Variants in FAM81A observed in about 807,000 individuals in gnomAD.
FAM81A encodes the protein family with sequence similarity 81 member A.
FAM81A carries 19 observed loss-of-function variants against 46.7 expected under a neutral mutation model. The observed-to-expected ratio is 0.41, with a 90% CI of 0.28 to 0.60. The LOEUF is 0.60. Among genes scored for constraint, FAM81A ranks in the 20% least tolerant of loss-of-function variants. The probability of loss-of-function intolerance (pLI) is 0.34; values close to 1 mark genes in which losing one functional copy is unlikely to be tolerated. For missense variants in FAM81A, 377 were observed against 453.5 expected, an observed-to-expected ratio of 0.83 and a Z score of 1.53; for synonymous variants, 183 against 152.9, an observed-to-expected ratio of 1.20 and a Z score of -1.45.
At chr15:59,509,964 A>T (rs1567076354) in intron 6 of FAM81A, among the ~76,000 whole-genome samples, 1 of 152,186 alleles carries the variant, frequency 6.6e-6, no homozygotes, top group Non-Finnish European at 1.5e-5. Context: ...CCTATGCCTA[A>T]TGAGAATCTT....
At chr15:59,459,845 G>A in intron 2 of FAM81A, 88 bp from the exon 3 acceptor site, 1 of 1,446,116 alleles carries the variant, frequency 6.9e-7, no homozygotes, top group Non-Finnish European at 9.1e-7. Context: ...TAGATAATTT[G>A]TATTTCCAGA....
intron 8 of FAM81A, among the ~76,000 whole-genome samples, chr15:59,520,882 A>G (rs563276441): frequency 6.6e-6 from 1 of 152,246 alleles, no homozygotes; most frequent in East Asian, 1.9e-4. Context: ...TCATCTTGAT[A>G]TAATTTAGGT....
chr15:59,418,614 T>C (rs1394730145), intron 2 of FAM81A, among the ~76,000 whole-genome samples: 2 of 152,214 alleles, frequency 1.3e-5, no homozygotes, highest in African/African-American at 4.8e-5. Flanking sequence ...CAATTTGTTG[T>C]TCATGTTACC....
chr15:59,461,265 G>A (rs1475396785), intron 3 of FAM81A, among the ~76,000 whole-genome samples: 1 of 152,032 alleles, frequency 6.6e-6, no homozygotes, highest in Non-Finnish European at 1.5e-5. Flanking sequence ...CTTACAATAT[G>A]AGGTCTTTCG....
intron 2 of FAM81A, among the ~76,000 whole-genome samples, chr15:59,422,252 G>T (rs2141553830): frequency 6.6e-6 from 1 of 152,080 alleles, no homozygotes; most frequent in East Asian, 1.9e-4. Context: ...GCCAGGCATG[G>T]TGACACATGC....
At chr15:59,504,228 C>T (rs1362973179) in intron 4 of FAM81A, among the ~76,000 whole-genome samples, 2 of 151,962 alleles carry the variant, frequency 1.3e-5, no homozygotes, top group African/African-American at 4.8e-5. Flanking sequence ...AATAAAAAAT[C>T]AGGGTCTACA....
At chr15:59,518,511 A>T (rs1318542483) in intron 8 of FAM81A, among the ~76,000 whole-genome samples, 1 of 151,846 alleles carries the variant, frequency 6.6e-6, no homozygotes, top group Non-Finnish European at 1.5e-5. Context: ...ATTTTTTTAG[A>T]GATGGGTCCT....
chr15:59,505,489 G>C (rs1169614666), intron 4 of FAM81A, among the ~76,000 whole-genome samples: 1 of 151,318 alleles, frequency 6.6e-6, no homozygotes, highest in East Asian at 1.9e-4. Flanking sequence ...TCCAGCCTGG[G>C]TGACAGAGTT....
chr15:59,421,877 ATC>A (rs2081175070), intron 2 of FAM81A, among the ~76,000 whole-genome samples: 1 of 43,028 alleles, frequency 2.3e-5, no homozygotes, highest in Non-Finnish European at 4.8e-5. Context: ...CCCTCTATCT[ATC>A]TATCTATCTA....
chr15:59,464,534 A>C lies in FAM81A; in HGVS notation c.294+4328A>C, dbSNP rs2081589971. Among the ~76,000 whole-genome samples the C allele has an allele frequency of 5.3e-5, 8 of 152,296 alleles. No individual in the cohort carries two copies. The South Asian group carries it at 1.7e-3, about 32-fold the overall frequency. On this transcript the variant is annotated intron_variant, in intron 3 of 8. Transcript: ENST00000288228. ...TATAACTGGAGTGAGATGATACCTC[A>C]TTGTGATTTTGATTTGCATTTCCCT... is the stretch of plus-strand genomic sequence containing the variant.
At chr15:59,453,689 G>A (rs2141621904) in intron 1 of FAM81A, among the ~76,000 whole-genome samples, 1 of 151,694 alleles carries the variant, frequency 6.6e-6, no homozygotes, top group South Asian at 2.1e-4. Context: ...GGGAAGTTAA[G>A]AGAAAGGGCA....
chr15:59,448,906 C>G (rs2081380893), intron 1 of FAM81A, among the ~76,000 whole-genome samples: 1 of 152,136 alleles, frequency 6.6e-6, no homozygotes. Context: ...CTGAAATGAT[C>G]ATCCTACTTC....
In FAM81A at chr15:59,428,413, A is replaced by ATATTATTAT. The variant is rs143696862; in HGVS notation, c.-78+26090_-78+26098dup. On this transcript the variant is annotated intron_variant, in intron 2 of 4. Coordinates refer to the FAM81A transcript ENST00000558348. ...TTCTTAGTCCTGAGAATTCTTTTTG[A>ATATTATTAT]TATTATTATTATTATTATTATTATT... is the stretch of plus-strand genomic sequence containing the variant. Among the ~76,000 whole-genome samples, 131 of 140,708 alleles carry ATATTATTAT rather than the reference A, an allele frequency of 9.3e-4. 2 individuals are homozygous for ATATTATTAT. Among genetic ancestry groups the ATATTATTAT allele is most frequent in the Middle Eastern group, 3.6e-3 (1 of 278 alleles). 92.3% of individuals were successfully genotyped at this position (140,708 alleles called of 152,430 possible). A position where few individuals can be genotyped will look rare whatever the true frequency, so the allele number is the denominator to read the frequency against.
At chr15:59,505,540 G>A (rs149774892) in intron 4 of FAM81A, among the ~76,000 whole-genome samples, 66 of 151,624 alleles carry the variant, frequency 4.4e-4, no homozygotes, top group African/African-American at 1.3e-3. Context: ...ACAGAAAGGC[G>A]TCATTGATCA....
At chr15:59,503,658 C>T (rs935989796) in intron 4 of FAM81A, among the ~76,000 whole-genome samples, 5 of 152,070 alleles carry the variant, frequency 3.3e-5, no homozygotes, top group Admixed American at 1.3e-4. Flanking sequence ...CTGCAACCTC[C>T]GCCTCCCAGG....
intron 2 of FAM81A, among the ~76,000 whole-genome samples, chr15:59,417,999 C>T (rs1191020241): frequency 2.0e-5 from 3 of 152,060 alleles, no homozygotes; most frequent in Non-Finnish European, 2.9e-5. Flanking sequence ...TCATTCCCCA[C>T]CTGTGAGTGA....
upstream of FAM81A, chr15:59,438,025 C>T (rs2081255173): frequency 6.6e-6 from 1 of 150,606 alleles, no homozygotes; most frequent in African/African-American, 2.4e-5. Flanking sequence ...GCCTCCAGCT[C>T]GGGCTGCCAC....
chr15:59,490,904 C>T (rs532891526), intron 3 of FAM81A, among the ~76,000 whole-genome samples: 1 of 152,238 alleles, frequency 6.6e-6, no homozygotes, highest in East Asian at 1.9e-4. Flanking sequence ...ATCCAAAAGA[C>T]AGGCAATATC....
At chr15:59,415,037 T>C (rs1227537543) in intron 2 of FAM81A, among the ~76,000 whole-genome samples, 1 of 151,978 alleles carries the variant, frequency 6.6e-6, no homozygotes, top group African/African-American at 2.4e-5. Context: ...AGGATGGTCT[T>C]GATCTCCTGA....
Sources: gnomAD v4.1 joint callset for allele counts (sites outside exome capture counted in the v4.1 genomes callset) on GRCh38, gnomAD v4.1.1 for gene constraint, MANE v1.5 for transcripts, NCBI Gene and HGNC (gene_info 2026-07-23, HGNC 2026-07-21) for gene names.